Variants in STRA6 observed in about 807,000 individuals in gnomAD.
STRA6 encodes the protein receptor for retinol uptake STRA6.
Under a neutral mutation model 83.6 loss-of-function variants are expected in STRA6, and 48 were observed. The ratio of observed to expected loss-of-function variants is 0.57; its 90% confidence interval spans 0.46 to 0.73. The LOEUF is 0.73. Among genes scored for constraint, STRA6 ranks in the 30% least tolerant of loss-of-function variants. The pLI is 0.00. For missense variants in STRA6, 760 were observed against 838.8 expected, an observed-to-expected ratio of 0.91 and a Z score of 1.16; for synonymous variants, 353 against 362.3, an observed-to-expected ratio of 0.97 and a Z score of 0.29.
At chr15:74,180,382 A>C in intron 18 of STRA6, 139 bp from the exon 19 acceptor site, 1 of 1,059,936 alleles carries the variant, frequency 9.4e-7, no homozygotes, top group Non-Finnish European at 1.4e-6. Context: ...CAGGCAGCAC[A>C]TGGAAGTGGG....
upstream of STRA6, among the ~76,000 whole-genome samples, chr15:74,205,215 C>A (rs559740739): frequency 6.6e-6 from 1 of 152,206 alleles, no homozygotes; most frequent in African/African-American, 2.4e-5. Flanking sequence ...AGGGAGGTAC[C>A]AGTTGGGCAC....
rs351242 is a variant in STRA6 at position 74,180,375 on chromosome 15, G to A, written c.1841-132C>T. On this transcript the variant is annotated intron_variant, in intron 18 of 18. Transcript: ENST00000395105. The stretch of plus-strand genomic sequence containing the variant: ...GTGAGGCTTAGGATGTCCCCTGCAG[G>A]CAGCACATGGAAGTGGGGGGTGAGG... 857,163 of 1,103,304 alleles carry A rather than the reference G, an allele frequency of 0.78. 336,963 individuals are homozygous for A. Among genetic ancestry groups the A allele is most frequent in the East Asian group, 0.98 (40,434 of 41,310 alleles). The allele number at this position is 1,103,304 out of a possible 1,614,324, so 68.3% of individuals were successfully genotyped here.
In STRA6 at chr15:74,195,371, G is replaced by A. The variant is rs754254922; in HGVS notation, c.528C>T (p.Gly176=). Residue 176 remains glycine (G), a synonymous_variant, in exon 7 of 19, where the codon GGC becomes GGT. Coordinates refer to ENST00000395105, the MANE Select transcript of STRA6 (RefSeq NM_022369.4). ...TAGHTAAHLL[G]STLSWAHLGV... ...CAAGGTGGGCCCAGGACAGCGTGCT[G>A]CCGAGCAGGTGTGCAGCTGTGTGGC... 3 of 1,613,564 alleles carry A rather than the reference G, an allele frequency of 1.9e-6. No homozygotes were observed. The highest frequency in any genetic ancestry group is 2.5e-6 in the Non-Finnish European group (3 of 1,180,008).
At chr15:74,186,334 T>C (rs2073244957) in intron 12 of STRA6, among the ~76,000 whole-genome samples, 1 of 152,230 alleles carries the variant, frequency 6.6e-6, no homozygotes, top group African/African-American at 2.4e-5. Context: ...TTTGCTTGCA[T>C]GAGAATCACT....
chr15:74,202,574 C>A, intron 1 of STRA6, 139 bp downstream of exon 1: 3 of 1,471,202 alleles, frequency 2.0e-6, no homozygotes, highest in Non-Finnish European at 2.7e-6. Context: ...CTCCCGCTGG[C>A]GCATCTGTCT....
In STRA6 at chr15:74,197,837, C is replaced by A. The variant is rs1157818475; in HGVS notation, c.114-19G>T. 6.2e-7 allele frequency: 1 copy of A among 1,611,768 alleles called. No individual in the cohort carries two copies. Among genetic ancestry groups the A allele is most frequent in the Non-Finnish European group, 8.5e-7 (1 of 1,179,900 alleles). On this transcript the variant is annotated intron_variant, in intron 2 of 18. Coordinates refer to ENST00000395105, the MANE Select transcript of STRA6 (RefSeq NM_022369.4). ...CACTTCCCTGCAGAGCAAATGAAGG[C>A]TGGCTCAGGCCTGCGTCAGGCCCCC...
intron 14 of STRA6, chr15:74,182,784 G>C (rs951298917): frequency 5.5e-6 from 2 of 364,232 alleles, no homozygotes; most frequent in African/African-American, 4.2e-5. Flanking sequence ...TGAGTTACTG[G>C]GGGATAAGGC....
chr15:74,211,845 C>T (rs530205238), upstream of STRA6, among the ~76,000 whole-genome samples: 1 of 152,184 alleles, frequency 6.6e-6, no homozygotes, highest in South Asian at 2.1e-4. Context: ...TTCTGTCTCT[C>T]TCTACTTTCC....
At chr15:74,191,829 G>C in intron 8 of STRA6, 1 of 423,748 alleles carries the variant, frequency 2.4e-6, no homozygotes, top group Non-Finnish European at 4.4e-6. Flanking sequence ...GCCTCTGCTA[G>C]CTGAAACTGG....
At chr15:74,182,685 G>A (rs2073055306) in intron 14 of STRA6, 3 of 561,508 alleles carry the variant, frequency 5.3e-6, no homozygotes, top group African/African-American at 1.9e-5. Context: ...AGAGGCTGTT[G>A]TAAGGATCCA....
intron 14 of STRA6, chr15:74,182,987 CCTT>C (rs748780836): frequency 1.1e-5 from 2 of 174,116 alleles, no homozygotes; most frequent in Non-Finnish European, 2.5e-5. Flanking sequence ...CCTTTACCAT[CCTT>C]CTCCTCCCGC....
chr15:74,188,838 C>T lies in STRA6; in HGVS notation c.1090+277G>A, dbSNP rs2073387068. 6.6e-6 allele frequency among the ~76,000 whole-genome samples: 1 copy of T among 152,152 alleles called. No individual in the cohort carries two copies. On this transcript the variant is annotated intron_variant, in intron 12 of 18. Coordinates refer to ENST00000395105, the MANE Select transcript of STRA6 (RefSeq NM_022369.4). This position sits in a 1 kb window ranked among gnomAD's most constrained non-coding sequence, Gnocchi z 4.5. ...CCCATGGCCTTCCTCATCTCCATGCCTGGATAGTTGGTCAGAGACACTGGG... is the reference window on the plus strand; with the variant it reads ...CCCATGGCCTTCCTCATCTCCATGCTTGGATAGTTGGTCAGAGACACTGGG...
intron 16 of STRA6, 61 bp from the exon 17 acceptor site, chr15:74,181,519 T>C (rs375230883): frequency 1.3e-6 from 2 of 1,591,236 alleles, no homozygotes. Context: ...CCAGGGTCAG[T>C]GTCAGACCTG....
At chr15:74,207,712 C>T (rs76528848), upstream of STRA6, 2,584 of 1,535,694 alleles carry the variant, frequency 1.7e-3, 70 homozygotes, top group East Asian at 0.053. Flanking sequence ...CAGCCCAGTC[C>T]CCTTGAGAGT....
chr15:74,187,692 T>C (rs968381043), intron 12 of STRA6, among the ~76,000 whole-genome samples: 1 of 152,178 alleles, frequency 6.6e-6, no homozygotes, highest in African/African-American at 2.4e-5. Flanking sequence ...TCTGTAATCC[T>C]CCTGGGCCTC....
intron 2 of STRA6, among the ~76,000 whole-genome samples, chr15:74,200,007 A>G (rs2073985573): frequency 6.6e-6 from 1 of 152,194 alleles, no homozygotes; most frequent in Non-Finnish European, 1.5e-5. Context: ...AACCAAGGTC[A>G]AGAGTTTGAG....
At chr15:74,185,821 G>C (rs560101748) in intron 12 of STRA6, among the ~76,000 whole-genome samples, 2 of 152,370 alleles carry the variant, frequency 1.3e-5, no homozygotes, top group South Asian at 4.1e-4. Flanking sequence ...CAGAGAGAGG[G>C]CTTCGCCCAG....
chr15:74,187,520 G>T (rs1192691268), intron 12 of STRA6, among the ~76,000 whole-genome samples: 1 of 151,978 alleles, frequency 6.6e-6, no homozygotes, highest in Middle Eastern at 3.2e-3. Flanking sequence ...AATCTAGTTT[G>T]CCTGACTCAG....
At chr15:74,181,870 G>T (rs1470730889) in intron 16 of STRA6, among the ~76,000 whole-genome samples, 1 of 152,112 alleles carries the variant, frequency 6.6e-6, no homozygotes, top group Admixed American at 6.5e-5. Context: ...AGTGGGGAGG[G>T]GCATGGTTTT....
Sources: gnomAD v4.1 joint callset for allele counts (sites outside exome capture counted in the v4.1 genomes callset) on GRCh38, gnomAD v4.1.1 for gene constraint, Gnocchi (gnomAD v3.1) non-coding constraint, MANE v1.5 for transcripts, NCBI Gene and HGNC (gene_info 2026-07-23, HGNC 2026-07-21) for gene names.